The following SLC44A5 variants were observed in gnomAD, a reference collection of about 807,000 sequenced individuals.
SLC44A5 encodes the protein choline transporter-like protein 5.
A neutral mutation model predicts 101.8 loss-of-function variants in SLC44A5; 57 were observed. The ratio of observed to expected loss-of-function variants is 0.56; its 90% CI spans 0.45 to 0.70. The LOEUF (loss-of-function observed/expected upper bound fraction) is 0.70, where lower values mean the gene tolerates loss of function less well. Ranked by LOEUF, SLC44A5 falls within the 30% of genes least tolerant of loss-of-function variation. The probability of loss-of-function intolerance (pLI) is 0.00; values close to 1 mark genes in which losing one functional copy is unlikely to be tolerated. For synonymous variants in SLC44A5, 281 were observed against 290.9 expected, an observed-to-expected ratio of 0.97 and a Z score of 0.35; for missense variants, 737 against 853.1, an observed-to-expected ratio of 0.86 and a Z score of 1.70.
rs967291058 is a variant in SLC44A5 at position 75,251,323 on chromosome 1, A to C, written c.261-29T>G. 7.1e-6 allele frequency: 11 copies of C among 1,557,252 alleles called. No individual in the cohort carries two copies. The African/African-American group carries it at 1.1e-4, about 15-fold the overall frequency. ...TTAAGAAAGAAAACATAATCTTTTT[A>C]GTGACCATGGAAATGTTCCATATCA... On this transcript the variant is annotated intron_variant, in intron 6 of 23. Transcript: ENST00000370859.
chr1:75,328,080 T>G (rs1461479204), intron 4 of SLC44A5, among the ~76,000 whole-genome samples: 1 of 152,220 alleles, frequency 6.6e-6, no homozygotes, highest in Non-Finnish European at 1.5e-5. Flanking sequence ...CCACAGAAAC[T>G]ACCAGCTGCT....
the SLC44A5 span, among the ~76,000 whole-genome samples, chr1:75,642,976 T>C: frequency 4.3e-4 from 65 of 152,312 alleles, no homozygotes; most frequent in Admixed American, 1.2e-3. Flanking sequence ...AATAGCTACA[T>C]GTCTTCCCCT....
intron 4 of SLC44A5, among the ~76,000 whole-genome samples, chr1:75,331,180 C>T (rs1657026713): frequency 6.6e-6 from 1 of 152,104 alleles, no homozygotes; most frequent in Non-Finnish European, 1.5e-5. Flanking sequence ...AGGCAGACAA[C>T]TCCCAATTCT....
chr1:75,436,604 C>G (rs754902139), intron 2 of SLC44A5, among the ~76,000 whole-genome samples: 1 of 152,024 alleles, frequency 6.6e-6, no homozygotes, highest in African/African-American at 2.4e-5. Context: ...TTACTGTACA[C>G]TACTGTAGAC....
intron 1 of SLC44A5, among the ~76,000 whole-genome samples, chr1:75,571,191 T>C (rs1202658428): frequency 6.6e-6 from 1 of 152,138 alleles, no homozygotes; most frequent in Non-Finnish European, 1.5e-5. Context: ...AAAAATATAT[T>C]ATGAAAAAAC....
At chr1:75,700,913 T>C in the SLC44A5 span, among the ~76,000 whole-genome samples, 2 of 151,894 alleles carry the variant, frequency 1.3e-5, no homozygotes, top group Non-Finnish European at 2.9e-5. Flanking sequence ...CTAAAAGAAA[T>C]AGATAAATTC....
chr1:75,589,619 T>C (rs1198623562), intron 1 of SLC44A5, among the ~76,000 whole-genome samples: 1 of 152,148 alleles, frequency 6.6e-6, no homozygotes, highest in African/African-American at 2.4e-5. Flanking sequence ...CGAGCATACA[T>C]AGTATCTGGT....
At chr1:75,442,239 A>T (rs534163750) in intron 2 of SLC44A5, among the ~76,000 whole-genome samples, 65 of 152,294 alleles carry the variant, frequency 4.3e-4, no homozygotes, top group African/African-American at 1.4e-3. Flanking sequence ...ATTTTCACAA[A>T]TTTAACAAAT....
chr1:75,595,729 A>G (rs1674595386), intron 1 of SLC44A5, among the ~76,000 whole-genome samples: 1 of 152,218 alleles, frequency 6.6e-6, no homozygotes, highest in African/African-American at 2.4e-5. Context: ...TTAACAAATA[A>G]TTATTAAACA....
chr1:75,486,732 A>G (rs1371546283), intron 2 of SLC44A5, among the ~76,000 whole-genome samples: 4 of 152,210 alleles, frequency 2.6e-5, no homozygotes, highest in Non-Finnish European at 5.9e-5. Flanking sequence ...CTCTAAAATG[A>G]TCTTCTTTGA....
chr1:75,476,710 C>G (rs914720328), intron 2 of SLC44A5, among the ~76,000 whole-genome samples: 2 of 152,242 alleles, frequency 1.3e-5, no homozygotes, highest in Non-Finnish European at 2.9e-5. Flanking sequence ...GGGGCGCCCG[C>G]CATTACCCAG....
At chr1:75,619,018 C>T in the SLC44A5 span, among the ~76,000 whole-genome samples, 11 of 142,902 alleles carry the variant, frequency 7.7e-5, no homozygotes, top group Admixed American at 8.1e-4. Flanking sequence ...TGCAGTGAGC[C>T]GAGACTGCAC....
At chr1:75,286,398 AGTTC>A (rs1653048872) in intron 5 of SLC44A5, among the ~76,000 whole-genome samples, 1 of 152,126 alleles carries the variant, frequency 6.6e-6, no homozygotes, top group African/African-American at 2.4e-5. Context: ...GATAGCAGAT[AGTTC>A]GTTCGTGAAT....
intron 6 of SLC44A5, among the ~76,000 whole-genome samples, chr1:75,270,173 A>G (rs1651351445): frequency 6.6e-6 from 1 of 152,190 alleles, no homozygotes. Flanking sequence ...GGACTAATAC[A>G]CCATTTTATA....
rs933575060 is a variant in SLC44A5 at position 75,275,159 on chromosome 1, G to T, written c.176-117C>A. 1.2e-5 allele frequency: 8 copies of T among 670,770 alleles called. No individual in the cohort carries two copies. The East Asian group carries it at 2.2e-4, about 19-fold the overall frequency. 41.6% of individuals were successfully genotyped at this position (670,770 alleles called of 1,614,324 possible). A position where few individuals can be genotyped will look rare whatever the true frequency, so the allele number is the denominator to read the frequency against. On this transcript the variant is annotated intron_variant, in intron 5 of 23. Transcript: ENST00000370859. Reference sequence around the variant, plus strand: ...CTAACCTCTCCCCTCAGTCACAGAAGATTATTGATTTTCTTCAAAGAGTAA... The same window carrying T: ...CTAACCTCTCCCCTCAGTCACAGAATATTATTGATTTTCTTCAAAGAGTAA...
At chr1:75,598,716 C>T (rs893334895) in intron 1 of SLC44A5, among the ~76,000 whole-genome samples, 1 of 152,058 alleles carries the variant, frequency 6.6e-6, no homozygotes, top group Non-Finnish European at 1.5e-5. Flanking sequence ...CAAGTGGGAG[C>T]TAAATGATGA....
intron 4 of SLC44A5, among the ~76,000 whole-genome samples, chr1:75,314,315 G>A (rs1291405995): frequency 6.6e-6 from 1 of 152,136 alleles, no homozygotes; most frequent in African/African-American, 2.4e-5. Context: ...TACGGTAACA[G>A]AACGACCTGT....
the SLC44A5 span, among the ~76,000 whole-genome samples, chr1:75,624,153 G>A: frequency 6.6e-6 from 1 of 152,062 alleles, no homozygotes; most frequent in Admixed American, 6.6e-5. Flanking sequence ...AACATATGAA[G>A]AGCTGAGCCC....
chr1:75,712,302 TA>T, the SLC44A5 span, among the ~76,000 whole-genome samples: 2 of 152,206 alleles, frequency 1.3e-5, no homozygotes, highest in Middle Eastern at 3.2e-3. Context: ...TCTGCAAAGT[TA>T]AAAAGGTCTA....
Sources: gnomAD v4.1 joint callset for allele counts (sites outside exome capture counted in the v4.1 genomes callset) on GRCh38, gnomAD v4.1.1 for gene constraint, MANE v1.5 for transcripts, NCBI Gene and HGNC (gene_info 2026-07-23, HGNC 2026-07-21) for gene names.